The following NHEJ1 variants were observed in gnomAD, a reference collection of about 807,000 sequenced individuals.
The protein encoded by NHEJ1 is non-homologous end joining factor 1, also known as non-homologous end-joining factor 1.
NHEJ1 carries 22 observed loss-of-function variants against 39.4 expected under a neutral mutation model. That is an observed-to-expected ratio of 0.56 (90% CI 0.40 to 0.80). The LOEUF (loss-of-function observed/expected upper bound fraction) is 0.80, where lower values mean the gene tolerates loss of function less well. Among genes scored for constraint, NHEJ1 ranks in the 30% least tolerant of loss-of-function variants. The probability of loss-of-function intolerance (pLI) is 0.00; values close to 1 mark genes in which losing one functional copy is unlikely to be tolerated. For synonymous variants in NHEJ1, 154 were observed against 135.6 expected, an observed-to-expected ratio of 1.14 and a Z score of -0.94; for missense variants, 329 against 357.1, an observed-to-expected ratio of 0.92 and a Z score of 0.63.
chr2:219,084,489 T>C (rs930838741), intron 5 of NHEJ1, among the ~76,000 whole-genome samples: 2 of 152,226 alleles, frequency 1.3e-5, no homozygotes, highest in Admixed American at 6.5e-5. Context: ...GGTAATTCAC[T>C]GTCCCCCATC....
intron 5 of NHEJ1, among the ~76,000 whole-genome samples, chr2:219,118,350 T>C (rs993283947): frequency 9.2e-5 from 14 of 152,076 alleles, no homozygotes; most frequent in Non-Finnish European, 1.0e-4. Flanking sequence ...CATACCTTCC[T>C]GAACTAACAT....
chr2:219,147,451 C>T (rs919948456), intron 4 of NHEJ1, among the ~76,000 whole-genome samples: 2 of 152,220 alleles, frequency 1.3e-5, no homozygotes, highest in African/African-American at 4.8e-5. Flanking sequence ...CACTACACTC[C>T]AGCCTAGCTG....
chr2:219,157,401 A>G (rs1949864206), intron 3 of NHEJ1, 71 bp downstream of exon 3: 1 of 1,364,066 alleles, frequency 7.3e-7, no homozygotes, highest in East Asian at 2.3e-5. Context: ...CAAAAAAAAT[A>G]AAAGCACCTA....
chr2:219,103,887 T>A (rs958371960), intron 5 of NHEJ1, among the ~76,000 whole-genome samples: 16 of 152,142 alleles, frequency 1.1e-4, no homozygotes, highest in African/African-American at 3.6e-4. Flanking sequence ...TCAACTGAAG[T>A]CAAAGAGCTA....
chr2:219,126,698 G>A (rs1949526741), intron 5 of NHEJ1, among the ~76,000 whole-genome samples: 1 of 152,198 alleles, frequency 6.6e-6, no homozygotes, highest in African/African-American at 2.4e-5. Context: ...ATAGTACAGT[G>A]TTGATATGGC....
chr2:219,133,799 C>T (rs1949600061), intron 5 of NHEJ1, among the ~76,000 whole-genome samples: 1 of 152,188 alleles, frequency 6.6e-6, no homozygotes, highest in Non-Finnish European at 1.5e-5. Context: ...CAGAAATCTA[C>T]TAATCTATCT....
intron 5 of NHEJ1, among the ~76,000 whole-genome samples, chr2:219,084,831 C>G (rs1245221888): frequency 6.6e-6 from 1 of 152,230 alleles, no homozygotes. Flanking sequence ...TCTTCATTCT[C>G]TCCACCCTCT....
chr2:219,119,916 G>T (rs906146797), intron 5 of NHEJ1, among the ~76,000 whole-genome samples: 4 of 152,140 alleles, frequency 2.6e-5, no homozygotes, highest in African/African-American at 9.7e-5. Flanking sequence ...TGGCCGATTT[G>T]AGAAAGACAA....
At chr2:219,141,886 T>C (rs930200836) in intron 5 of NHEJ1, among the ~76,000 whole-genome samples, 1 of 150,858 alleles carries the variant, frequency 6.6e-6, no homozygotes, top group Non-Finnish European at 1.5e-5. Context: ...AGAAACCAAT[T>C]AGAAGTGTGA....
At chr2:219,137,362 G>C (rs781504737) in intron 5 of NHEJ1, among the ~76,000 whole-genome samples, 4 of 151,648 alleles carry the variant, frequency 2.6e-5, no homozygotes, top group Non-Finnish European at 5.9e-5. Flanking sequence ...ATATGACCAA[G>C]AGCCTAATAT....
intron 5 of NHEJ1, among the ~76,000 whole-genome samples, chr2:219,141,575 T>A (rs1374954130): frequency 1.3e-5 from 2 of 151,928 alleles, no homozygotes; most frequent in East Asian, 3.9e-4. Flanking sequence ...ATGGTATAAT[T>A]CCCCAAGATA....
rs1180677426 is a variant in NHEJ1, at chr2:219,146,710, T to C, written c.558A>G (p.Glu186=). The C allele has an allele frequency of 2.5e-6, 4 of 1,611,796 alleles. No homozygotes were observed. In the South Asian group the frequency reaches 4.4e-5, roughly 18 times the overall value. The stretch of plus-strand genomic sequence containing the variant: ...TCATAAATTGTTCCAAGAAGGAATT[T>C]TCTTCAAATGGTTCTGTCTTCAATC... ...RDRLKTEPFE[E]NSFLEQFMIE... Residue 186 remains glutamate (E), a synonymous_variant, in exon 5 of 8, where the codon GAA becomes GAG. Coordinates refer to ENST00000356853, the MANE Select transcript of NHEJ1 (RefSeq NM_024782.3).
chr2:219,155,272 G>A (rs900810750), intron 3 of NHEJ1, among the ~76,000 whole-genome samples: 1 of 151,678 alleles, frequency 6.6e-6, no homozygotes, highest in Non-Finnish European at 1.5e-5. Flanking sequence ...TGTTTTAAAC[G>A]AAATAAAGTA....
intron 3 of NHEJ1, among the ~76,000 whole-genome samples, chr2:219,151,869 G>A (rs1341356464): frequency 6.6e-6 from 1 of 152,164 alleles, no homozygotes; most frequent in South Asian, 2.1e-4. Flanking sequence ...TCAGGAGACT[G>A]AGGCACAAGA....
At chr2:219,153,334 T>A (rs1263539468) in intron 3 of NHEJ1, among the ~76,000 whole-genome samples, 1 of 152,198 alleles carries the variant, frequency 6.6e-6, no homozygotes, top group African/African-American at 2.4e-5. Context: ...AGTTACAAAT[T>A]CGAGTCTGCT....
chr2:219,132,582 A>G (rs1248496690), intron 5 of NHEJ1, among the ~76,000 whole-genome samples: 1 of 152,208 alleles, frequency 6.6e-6, no homozygotes, highest in Non-Finnish European at 1.5e-5. Flanking sequence ...CATAAGATTA[A>G]CAAAAGCCAA....
At chr2:219,137,570 C>CAAAAAAAAAAAAAAAAAAAAAA in intron 5 of NHEJ1, among the ~76,000 whole-genome samples, 1 of 34,716 alleles carries the variant, frequency 2.9e-5, no homozygotes, top group Non-Finnish European at 6.2e-5. Context: ...GTGTTACAGG[C>CAAAAAAAAAAAAAAAAAAAAAA]AAAAAAAAAA....
chr2:219,124,395 T>C (rs1266770476), intron 5 of NHEJ1, among the ~76,000 whole-genome samples: 2 of 152,016 alleles, frequency 1.3e-5, no homozygotes, highest in African/African-American at 4.8e-5. Flanking sequence ...GTTTTGAAAT[T>C]TGCCCAAACA....
chr2:219,147,172 C>T (rs1949748859), intron 4 of NHEJ1, among the ~76,000 whole-genome samples: 1 of 152,188 alleles, frequency 6.6e-6, no homozygotes, highest in Non-Finnish European at 1.5e-5. Flanking sequence ...CAGCCAGGTA[C>T]TCGAGGCAGA....
Sources: allele counts gnomAD v4.1 joint callset (sites outside exome capture counted in the v4.1 genomes callset), GRCh38; gene constraint gnomAD v4.1.1; transcripts MANE v1.5; gene names NCBI Gene and HGNC (gene_info 2026-07-23, HGNC 2026-07-21).